The following RBM19 variants were observed in gnomAD, a reference collection of about 807,000 sequenced individuals.
RBM19 encodes the protein RNA binding motif protein 19.
Under a neutral mutation model 116.8 loss-of-function variants are expected in RBM19, and 94 were observed. The ratio of observed to expected loss-of-function variants is 0.80; its 90% CI spans 0.68 to 0.95. The LOEUF (loss-of-function observed/expected upper bound fraction) is 0.95. Ranked by LOEUF, RBM19 falls within the 40% of genes least tolerant of loss-of-function variation. The pLI, the probability that RBM19 is intolerant of heterozygous loss-of-function variation, is 0.00. For synonymous variants in RBM19, 475 were observed against 494.1 expected (o/e 0.96, Z 0.51); for missense variants, 1,161 against 1,220.7 (o/e 0.95, Z 0.73).
chr12:113,868,507 T>A (rs1211025284), intron 21 of RBM19, among the ~76,000 whole-genome samples: 1 of 152,234 alleles, frequency 6.6e-6, no homozygotes, highest in Non-Finnish European at 1.5e-5. Context: ...TTGGGAGACA[T>A]CTATTTAAAC....
At chr12:113,890,910 T>C (rs1315970151) in intron 21 of RBM19, among the ~76,000 whole-genome samples, 2 of 152,168 alleles carry the variant, frequency 1.3e-5, no homozygotes. Context: ...ACCTCAGCCT[T>C]CCGAGTAGCT....
chr12:113,850,845 GGAC>G (rs1328040323), intron 22 of RBM19, among the ~76,000 whole-genome samples: 1 of 152,334 alleles, frequency 6.6e-6, no homozygotes, highest in East Asian at 1.9e-4. Context: ...GTCCTAACAA[GGAC>G]GACATCAACC....
At chr12:113,886,468 C>T (rs966947968) in intron 21 of RBM19, among the ~76,000 whole-genome samples, 17 of 152,024 alleles carry the variant, frequency 1.1e-4, no homozygotes, top group African/African-American at 3.6e-4. Flanking sequence ...GACCCAGGCC[C>T]GTTAAGATAG....
At chr12:113,873,560 T>C (rs1174435959) in intron 21 of RBM19, among the ~76,000 whole-genome samples, 47 of 118,514 alleles carry the variant, frequency 4.0e-4, no homozygotes, top group African/African-American at 1.3e-3. Flanking sequence ...CGCAGGGTCC[T>C]CTGCCTAGGA....
chr12:113,863,799 C>T (rs1878597432), intron 21 of RBM19, among the ~76,000 whole-genome samples: 1 of 152,226 alleles, frequency 6.6e-6, no homozygotes. Flanking sequence ...CTACAAGCTT[C>T]TTCTGCTCCT....
At chr12:113,849,033 C>T (rs1468130566) in intron 22 of RBM19, among the ~76,000 whole-genome samples, 1 of 152,226 alleles carries the variant, frequency 6.6e-6, no homozygotes, top group African/African-American at 2.4e-5. Flanking sequence ...GGTTTGTATG[C>T]AGGTCAACTT....
rs1359048747 is a variant in RBM19, at chr12:113,872,145, G to C, written c.2559-13249C>G. ...GAGCGTCTCTGCCCGGCCGCCCATCGTCTGAGATGTGGGGAGCGCCTCTGC... is the reference window on the plus strand; with the variant it reads ...GAGCGTCTCTGCCCGGCCGCCCATCCTCTGAGATGTGGGGAGCGCCTCTGC... On this transcript the variant is annotated intron_variant, in intron 21 of 23. Coordinates refer to ENST00000261741, the MANE Select transcript of RBM19 (RefSeq NM_016196.4). Among the ~76,000 whole-genome samples, 13 of 143,886 alleles carry C rather than the reference G, an allele frequency of 9.0e-5. No individual in the cohort carries two copies. The South Asian group carries it at 1.9e-3, about 21-fold the overall frequency. 94.4% of individuals were successfully genotyped at this position (143,886 alleles called of 152,430 possible).
chr12:113,857,714 C>T (rs901443986), intron 22 of RBM19, among the ~76,000 whole-genome samples: 1 of 152,226 alleles, frequency 6.6e-6, no homozygotes, highest in African/African-American at 2.4e-5. Context: ...CGAGGCTCTC[C>T]GAGGGTCCCC....
At chr12:113,919,947 G>A (rs1883009814) in intron 19 of RBM19, among the ~76,000 whole-genome samples, 1 of 152,104 alleles carries the variant, frequency 6.6e-6, no homozygotes, top group Non-Finnish European at 1.5e-5. Flanking sequence ...CCTTTAGGCT[G>A]AGCAGTAAAA....
chr12:113,931,103 A>G (rs557380699), intron 16 of RBM19, among the ~76,000 whole-genome samples: 1 of 152,360 alleles, frequency 6.6e-6, no homozygotes, highest in Admixed American at 6.5e-5. Context: ...ACGATAATGT[A>G]ATAATTATGA....
chr12:113,835,140 T>C (rs1026667176), intron 23 of RBM19, among the ~76,000 whole-genome samples: 1 of 152,178 alleles, frequency 6.6e-6, no homozygotes, highest in Admixed American at 6.5e-5. Flanking sequence ...TTAGCCAGCT[T>C]TTCTGAGCCC....
chr12:113,954,746 T>C (rs1220946260), intron 7 of RBM19, among the ~76,000 whole-genome samples: 1 of 152,224 alleles, frequency 6.6e-6, no homozygotes, highest in Non-Finnish European at 1.5e-5. Flanking sequence ...ACTAAAGTTT[T>C]ATTTATTTTT....
chr12:113,889,889 G>A (rs899572936), intron 21 of RBM19, among the ~76,000 whole-genome samples: 1 of 149,458 alleles, frequency 6.7e-6, no homozygotes, highest in African/African-American at 2.4e-5. Flanking sequence ...TCAAGCTGAG[G>A]GGGAAAAAAA....
chr12:113,930,100 T>C (rs1418473092), intron 16 of RBM19, among the ~76,000 whole-genome samples: 4 of 152,248 alleles, frequency 2.6e-5, no homozygotes, highest in Non-Finnish European at 5.9e-5. Context: ...CTTGGCAACT[T>C]AATGGCAAGT....
intron 21 of RBM19, among the ~76,000 whole-genome samples, chr12:113,887,492 C>T (rs1479871000): frequency 6.6e-6 from 1 of 151,668 alleles, no homozygotes; most frequent in East Asian, 2.0e-4. Context: ...AAAAAATTAG[C>T]CAGGCGTGGT....
intron 21 of RBM19, among the ~76,000 whole-genome samples, chr12:113,860,713 GC>G (rs1381650702): frequency 6.6e-6 from 1 of 152,126 alleles, no homozygotes; most frequent in Non-Finnish European, 1.5e-5. Context: ...TGGGGTGACT[GC>G]CCCCATCCAC....
chr12:113,831,959 G>A (rs1186664275), intron 23 of RBM19, among the ~76,000 whole-genome samples: 3 of 152,148 alleles, frequency 2.0e-5, no homozygotes, highest in African/African-American at 4.8e-5. Flanking sequence ...TGCATGGCCA[G>A]CCATGTGCAC....
intron 17 of RBM19, among the ~76,000 whole-genome samples, chr12:113,926,842 G>GC (rs1417774592): frequency 6.6e-6 from 1 of 152,198 alleles, no homozygotes; most frequent in Non-Finnish European, 1.5e-5. Flanking sequence ...CCCTATCAGG[G>GC]CCCCCGGCCA....
chr12:113,946,020 C>A, intron 12 of RBM19, 96 bp from the exon 13 acceptor site: 1 of 1,159,512 alleles, frequency 8.6e-7, no homozygotes, highest in East Asian at 2.5e-5. Flanking sequence ...GCTCCTAGGC[C>A]TGCCTATCTA....
Sources: allele counts gnomAD v4.1 joint callset (sites outside exome capture counted in the v4.1 genomes callset), GRCh38; gene constraint gnomAD v4.1.1; transcripts MANE v1.5; gene names NCBI Gene and HGNC (gene_info 2026-07-23, HGNC 2026-07-21).